Variants in ATP2A1 observed in about 807,000 individuals in gnomAD.
ATP2A1 encodes ATPase sarcoplasmic/endoplasmic reticulum Ca2+ transporting 1.
Under a neutral mutation model 109.5 loss-of-function variants are expected in ATP2A1, and 83 were observed. The observed-to-expected ratio is 0.76, with a 90% CI of 0.63 to 0.91. The LOEUF is 0.91. Ranked by LOEUF, ATP2A1 falls within the 40% of genes least tolerant of loss-of-function variation. The pLI is 0.00. For missense variants in ATP2A1, 1,101 were observed against 1,341.0 expected (o/e 0.82, Z 2.80); for synonymous variants, 505 against 537.6 (o/e 0.94, Z 0.84).
intron 4 of ATP2A1, 31 bp downstream of exon 4, chr16:28,881,050 G>A (rs1963457717): frequency 6.3e-7 from 1 of 1,598,650 alleles, no homozygotes; most frequent in Non-Finnish European, 8.6e-7. Flanking sequence ...ACCCCTTCAT[G>A]TCCCAACAGT....
rs1218223079 is a variant in ATP2A1, at chr16:28,903,039, G to A, written c.2754G>A (p.Glu918=). ...EMCNALNSLS[E]NQSLLRMPPW... ...CCCTTCCCCTCTGCAGCCTGTCCGA[G>A]AACCAGTCCCTGCTGCGGATGCCAC... Residue 918 remains glutamate (E), a synonymous_variant, in exon 20 of 23, where the codon GAG becomes GAA. Coordinates refer to ENST00000395503, the MANE Select transcript of ATP2A1 (RefSeq NM_004320.6). The surrounding 1 kb of genome is among the most constrained non-coding windows in gnomAD (Gnocchi z 5.6). The A allele has an allele frequency of 6.2e-7, 1 of 1,613,694 alleles. No individual in the cohort carries two copies. The highest frequency in any genetic ancestry group is 1.3e-5 in the African/African-American group (1 of 74,888).
rs566232633 is a variant in ATP2A1, at chr16:28,902,155, A to G, written c.2322-29A>G. The G allele has an allele frequency of 6.2e-7, 1 of 1,614,008 alleles. No individual in the cohort carries two copies. Among genetic ancestry groups the G allele is most frequent in the African/African-American group, 1.3e-5 (1 of 75,054 alleles). On this transcript the variant is annotated intron_variant, in intron 16 of 22. Coordinates refer to ENST00000395503, the MANE Select transcript of ATP2A1 (RefSeq NM_004320.6). This position sits in a 1 kb window ranked among gnomAD's most constrained non-coding sequence, Gnocchi z 4.8. ...GGTGGCTGCAGGTCTGGGAGGCAGG[A>G]CAGAGGTGTGACCACCTCCTTCCCA...
intron 12 of ATP2A1, among the ~76,000 whole-genome samples, chr16:28,897,312 A>C (rs969829354): frequency 1.3e-5 from 2 of 151,928 alleles, no homozygotes; most frequent in African/African-American, 4.8e-5. Flanking sequence ...TGGACAACAC[A>C]GGGAGACTCT....
chr16:28,879,495 C>T lies in ATP2A1; in HGVS notation c.137-6C>T. 2 of 1,614,020 alleles carry T rather than the reference C, an allele frequency of 1.2e-6. No individual in the cohort carries two copies. The highest frequency in any genetic ancestry group is 1.1e-5 in the South Asian group (1 of 91,088). On this transcript the variant is annotated splice_region_variant and splice_polypyrimidine_tract_variant and intron_variant, in intron 2 of 22. Coordinates refer to ENST00000395503, the MANE Select transcript of ATP2A1 (RefSeq NM_004320.6). Reference sequence around the variant, plus strand: ...CCCGGGGCCCTCCCCTTGCCTCCTCCCCCAGGGAAGACCCTGTGGGAGCTG... The same window carrying T: ...CCCGGGGCCCTCCCCTTGCCTCCTCTCCCAGGGAAGACCCTGTGGGAGCTG...
At position 28,904,305 on chromosome 16, in the gene ATP2A1, T is replaced by A. The variant is rs1283220377; in HGVS notation, c.*163T>A. On this transcript the variant is annotated 3_prime_UTR_variant, in exon 23 of 23. Transcript: ENST00000395503. ...CTGTCCCCCACACCCGTGTCATGTG[T>A]CTGTTTATAAACATGTCCCCTTCCC... 5 of 1,607,520 alleles carry A rather than the reference T, an allele frequency of 3.1e-6. No individual in the cohort carries two copies. The Admixed American group carries it at 8.4e-5, about 27-fold the overall frequency.
intron 4 of ATP2A1, 34 bp downstream of exon 4, chr16:28,881,053 C>T: frequency 1.3e-6 from 2 of 1,596,362 alleles, no homozygotes; most frequent in Non-Finnish European, 1.7e-6. Context: ...CCTTCATGTC[C>T]CAACAGTGAA....
Position 28,883,190 on chromosome 16 carries a change from C to T in ATP2A1, c.463+601C>T, listed in dbSNP as rs562532672. Among the ~76,000 whole-genome samples the T allele has an allele frequency of 1.3e-5, 2 of 152,334 alleles. No homozygotes were observed. The highest frequency in any genetic ancestry group is 4.1e-4 in the South Asian group (2 of 4,832). On this transcript the variant is annotated intron_variant, in intron 5 of 22. Coordinates refer to ENST00000395503, the MANE Select transcript of ATP2A1 (RefSeq NM_004320.6). The surrounding 1 kb of genome is among the most constrained non-coding windows in gnomAD (Gnocchi z 5.2). ...GGTGGCTAAGATTACTGGGATTCTGCCCCCTTCAGCGGTTTTTATGTTTGC... is the reference window on the plus strand; with the variant it reads ...GGTGGCTAAGATTACTGGGATTCTGTCCCCTTCAGCGGTTTTTATGTTTGC...
intron 3 of ATP2A1, chr16:28,879,966 C>T: frequency 9.9e-7 from 1 of 1,014,170 alleles, no homozygotes; most frequent in Non-Finnish European, 1.2e-6. Flanking sequence ...TCCACCAATC[C>T]CCGCGCCCGT....
intron 8 of ATP2A1, 102 bp from the exon 9 acceptor site, chr16:28,888,685 G>T (rs1370750564): frequency 1.4e-6 from 2 of 1,380,432 alleles, no homozygotes; most frequent in Non-Finnish European, 2.0e-6. Context: ...GATTATAGGT[G>T]TGCACCAACG....
rs1174264748 is a variant in ATP2A1 at position 28,903,465 on chromosome 16, A to G, written c.2980+25A>G. 3 of 1,592,294 alleles carry G rather than the reference A, an allele frequency of 1.9e-6. No homozygotes were observed. The African/African-American group carries it at 4.0e-5, about 21-fold the overall frequency. On this transcript the variant is annotated intron_variant, in intron 21 of 22. Transcript: ENST00000395503. This position sits in a 1 kb window ranked among gnomAD's most constrained non-coding sequence, Gnocchi z 5.6. ...GGTAAGGAGTGCCCTCTCTGTCCCA[A>G]GCCCTGGCCCCACCACAGCCCCTTC... is the stretch of plus-strand genomic sequence containing the variant.
At chr16:28,901,042 C>T in intron 15 of ATP2A1, 126 bp downstream of exon 15, 1 of 1,274,544 alleles carries the variant, frequency 7.8e-7, no homozygotes, top group Non-Finnish European at 1.1e-6. Flanking sequence ...ATTCAGACCC[C>T]AAGGAAGAGT....
intron 11 of ATP2A1, 45 bp from the exon 12 acceptor site, chr16:28,894,777 G>T: frequency 6.2e-7 from 1 of 1,609,434 alleles, no homozygotes; most frequent in Non-Finnish European, 8.5e-7. Context: ...ATGACAGGTA[G>T]GAGCCTGGGG....
At position 28,902,379 on chromosome 16, in the gene ATP2A1, A is replaced by T; in HGVS notation, c.2517A>T (p.Ala839=). Residue 839 remains alanine, a synonymous_variant, in exon 17 of 23, where the codon GCA becomes GCT. Coordinates refer to ENST00000395503, the MANE Select transcript of ATP2A1 (RefSeq NM_004320.6). The surrounding 1 kb of genome is among the most constrained non-coding windows in gnomAD (Gnocchi z 4.8). ...ISGWLFFRYM[A]IGGYVGAATV... ...GCTGGCTCTTCTTCCGCTACATGGC[A>T]ATCGGGGGTGAGCTGGAGGGGTTCC... The T allele has an allele frequency of 2.5e-6, 4 of 1,613,846 alleles. No homozygotes were observed. Among genetic ancestry groups the T allele is most frequent in the Non-Finnish European group, 3.4e-6 (4 of 1,179,910 alleles).
intron 6 of ATP2A1, among the ~76,000 whole-genome samples, chr16:28,885,489 G>A (rs1426182718): frequency 6.6e-6 from 1 of 151,818 alleles, no homozygotes; most frequent in Non-Finnish European, 1.5e-5. Flanking sequence ...GATTACAGAC[G>A]TCCACCATCA....
chr16:28,902,693 C>T lies in ATP2A1; in HGVS notation c.2610+28C>T, dbSNP rs774106409. The T allele has an allele frequency of 2.5e-6, 4 of 1,613,762 alleles. No homozygotes were observed. Among genetic ancestry groups the T allele is most frequent in the Admixed American group, 3.3e-5 (2 of 59,966 alleles). ...AGGGGGAGGCCACAAAGGAGGGGAC[C>T]AGGAGGGTGTGGGGATGCAGGAGGG... On this transcript the variant is annotated intron_variant, in intron 18 of 22. Coordinates refer to ENST00000395503, the MANE Select transcript of ATP2A1 (RefSeq NM_004320.6). The surrounding 1 kb of genome is among the most constrained non-coding windows in gnomAD (Gnocchi z 4.8).
intron 4 of ATP2A1, 85 bp downstream of exon 4, chr16:28,881,104 A>T (rs779809153): frequency 1.8e-5 from 24 of 1,332,204 alleles, no homozygotes; most frequent in African/African-American, 2.9e-5. Context: ...CTCCTCCATC[A>T]CCTCCCCCAT....
chr16:28,893,655 G>GTTTTTTTTTTTTTTT (rs11304796), intron 9 of ATP2A1, among the ~76,000 whole-genome samples: 2 of 111,996 alleles, frequency 1.8e-5, no homozygotes, highest in Non-Finnish European at 1.8e-5. Context: ...GTTTTTTTTT[G>GTTTTTTTTTTTTTTT]TTTTTTTTTT....
chr16:28,888,999 G>T (rs755144331), intron 9 of ATP2A1, 46 bp downstream of exon 9: 4 of 1,609,988 alleles, frequency 2.5e-6, no homozygotes, highest in Middle Eastern at 3.4e-4. Flanking sequence ...GGCTGCCTGT[G>T]GGGGTTAAAT....
chr16:28,901,991 C>A lies in ATP2A1; in HGVS notation c.2229C>A (p.Ile743=), dbSNP rs970341357. ...MVLADDNFST[I]VAAVEEGRAI... is the part of the protein sequence containing the mutation. ...TGGCTGACGACAACTTCTCCACCAT[C>A]GTAGCTGCTGTGGAGGAGGGCCGCG... Residue 743 remains isoleucine (I), a synonymous_variant, in exon 16 of 23, where the codon ATC becomes ATA. Coordinates refer to ENST00000395503, the MANE Select transcript of ATP2A1 (RefSeq NM_004320.6). The A allele has an allele frequency of 6.2e-7, 1 of 1,614,108 alleles. No homozygotes were observed. The highest frequency in any genetic ancestry group is 1.3e-5 in the African/African-American group (1 of 74,926).
Sources: allele counts gnomAD v4.1 joint callset (sites outside exome capture counted in the v4.1 genomes callset), GRCh38; gene constraint gnomAD v4.1.1; non-coding constraint Gnocchi (gnomAD v3.1); transcripts MANE v1.5; gene names NCBI Gene and HGNC (gene_info 2026-07-23, HGNC 2026-07-21).